Variants in UTRN observed in about 807,000 individuals in gnomAD.
The protein encoded by UTRN is utrophin, also known as dystrophin-related protein 1.
Under a neutral mutation model 463.9 loss-of-function variants are expected in UTRN, and 283 were observed. The observed-to-expected ratio is 0.61, with a 90% CI of 0.55 to 0.67. The LOEUF (loss-of-function observed/expected upper bound fraction) is 0.67, where lower values mean the gene tolerates loss of function less well. Among genes scored for constraint, UTRN ranks in the 30% least tolerant of loss-of-function variants. The pLI is 0.00. For missense variants in UTRN, 3,922 were observed against 4,084.3 expected (o/e 0.96, Z 1.08); for synonymous variants, 1,442 against 1,431.5 (o/e 1.01, Z -0.17).
chr6:144,461,418 C>T, intron 22 of UTRN, 76 bp downstream of exon 22: 1 of 1,334,720 alleles, frequency 7.5e-7, no homozygotes, highest in East Asian at 2.7e-5. Flanking sequence ...AATGTTTTTT[C>T]AGAGATTAAA....
Position 144,449,421 on chromosome 6 carries a change from C to G in UTRN, c.2072+652C>G, listed in dbSNP as rs139586657. ...TCGCGGTACAGTGGACAGTCATTTC[C>G]TAGAATGTAGACACCTGTTCCTGTG... is the stretch of plus-strand genomic sequence containing the variant. On this transcript the variant is annotated intron_variant, in intron 17 of 74. Transcript: ENST00000367545. 2.6e-3 allele frequency among the ~76,000 whole-genome samples: 396 copies of G among 152,256 alleles called. 2 individuals are homozygous for G. Among genetic ancestry groups the G allele is most frequent in the African/African-American group, 8.9e-3 (369 of 41,540 alleles).
Position 144,554,676 on chromosome 6 carries a change from T to C in UTRN, c.6929-12T>C, listed in dbSNP as rs1799226190. The C allele has an allele frequency of 3.1e-6, 5 of 1,613,702 alleles. No homozygotes were observed. Among genetic ancestry groups the C allele is most frequent in the East Asian group, 2.2e-5 (1 of 44,850 alleles). ...GTTGGGATTTTTTTTTCTTTTATAA[T>C]GCTACCCTCAGTGGAAAGGGTCAAG... On this transcript the variant is annotated splice_polypyrimidine_tract_variant and intron_variant, in intron 48 of 74. Transcript: ENST00000367545.
chr6:144,772,036 T>TTTTGA, intron 59 of UTRN, 68 bp downstream of exon 59: 2 of 1,094,392 alleles, frequency 1.8e-6, no homozygotes, highest in Non-Finnish European at 1.2e-6. Context: ...TTTTTTTTTT[T>TTTTGA]TTTTTTTTTT....
At chr6:144,332,698 C>G (rs1216140449) in intron 2 of UTRN, among the ~76,000 whole-genome samples, 3 of 151,958 alleles carry the variant, frequency 2.0e-5, no homozygotes, top group African/African-American at 7.3e-5. Flanking sequence ...ATCATTAAGT[C>G]AAACCGTTTT....
At chr6:144,722,898 G>C (rs1472202148) in intron 53 of UTRN, among the ~76,000 whole-genome samples, 1 of 152,102 alleles carries the variant, frequency 6.6e-6, no homozygotes, top group African/African-American at 2.4e-5. Flanking sequence ...AGTAATCCCA[G>C]GTGGTACCAG....
Position 144,525,056 on chromosome 6 carries a change from TTTA to T in UTRN, c.5906+1871_5906+1873del, listed in dbSNP as rs1796446022. The stretch of plus-strand genomic sequence containing the variant: ...TAGTATGAAACCCACTTGATCATGG[TTTA>T]TTGTCTTTTTGATATACTATTGGAT... On this transcript the variant is annotated intron_variant, in intron 41 of 74. Transcript: ENST00000367545. Among the ~76,000 whole-genome samples, 3 of 152,262 alleles carry T rather than the reference TTTA, an allele frequency of 2.0e-5. No individual in the cohort carries two copies. In the South Asian group the frequency reaches 6.2e-4, roughly 32 times the overall value.
intron 51 of UTRN, among the ~76,000 whole-genome samples, chr6:144,601,282 T>C (rs1162401064): frequency 6.6e-6 from 1 of 152,194 alleles, no homozygotes; most frequent in Non-Finnish European, 1.5e-5. Flanking sequence ...ATTCCTTTGA[T>C]GGATTTGGGC....
rs888087628 is a variant in UTRN, at chr6:144,436,827, T to C, written c.1059+689T>C. 5.5e-5 allele frequency among the ~76,000 whole-genome samples: 8 copies of C among 144,660 alleles called. No homozygotes were observed. In the East Asian group the frequency reaches 5.9e-4, roughly 11 times the overall value. The allele number at this position is 144,660 out of a possible 152,430, so 94.9% of individuals were successfully genotyped here. ...ATATATATAAATAAAAATAAATATATATTTTATTTTATATATAAATAAAAT... is the reference window on the plus strand; with the variant it reads ...ATATATATAAATAAAAATAAATATACATTTTATTTTATATATAAATAAAAT... On this transcript the variant is annotated intron_variant, in intron 10 of 74. Coordinates refer to ENST00000367545, the MANE Select transcript of UTRN (RefSeq NM_007124.3).
At chr6:144,717,704 C>T (rs535962942) in intron 53 of UTRN, among the ~76,000 whole-genome samples, 4 of 139,030 alleles carry the variant, frequency 2.9e-5, no homozygotes, top group South Asian at 2.2e-4. Context: ...GGCTCGATCT[C>T]GGCTCACTGC....
intron 2 of UTRN, among the ~76,000 whole-genome samples, chr6:144,355,100 C>T (rs958384204): frequency 3.9e-5 from 6 of 151,948 alleles, no homozygotes; most frequent in African/African-American, 9.7e-5. Context: ...TGTTGTTGTT[C>T]GGTGAATGAG....
At chr6:144,504,794 C>T (rs1219760479) in intron 34 of UTRN, among the ~76,000 whole-genome samples, 2 of 152,112 alleles carry the variant, frequency 1.3e-5, no homozygotes, top group African/African-American at 4.8e-5. Flanking sequence ...AGGGAGGAGT[C>T]CCTCTCTTTC....
intron 67 of UTRN, 80 bp downstream of exon 67, chr6:144,827,466 T>C: frequency 1.2e-6 from 2 of 1,604,584 alleles, no homozygotes; most frequent in Non-Finnish European, 1.7e-6. Flanking sequence ...ACTCTTGGTC[T>C]AAAATAATAC....
At chr6:144,529,188 C>A (rs974815602) in intron 41 of UTRN, among the ~76,000 whole-genome samples, 1 of 152,188 alleles carries the variant, frequency 6.6e-6, no homozygotes, top group Admixed American at 6.5e-5. Context: ...CCCCACTGGC[C>A]CAACAGCATT....
chr6:144,455,076 C>T (rs1788685572), intron 19 of UTRN, among the ~76,000 whole-genome samples: 1 of 151,922 alleles, frequency 6.6e-6, no homozygotes, highest in African/African-American at 2.4e-5. Flanking sequence ...CACACACACA[C>T]AAACACACAG....
chr6:144,605,384 A>G (rs1328136182), intron 51 of UTRN, among the ~76,000 whole-genome samples: 1 of 152,098 alleles, frequency 6.6e-6, no homozygotes, highest in African/African-American at 2.4e-5. Flanking sequence ...GATGAGATGA[A>G]TTAGGATAGA....
At chr6:144,584,352 A>G (rs553622245) in intron 51 of UTRN, among the ~76,000 whole-genome samples, 6 of 152,088 alleles carry the variant, frequency 3.9e-5, no homozygotes, top group Non-Finnish European at 8.8e-5. Context: ...TCAAAATTAG[A>G]GTGTTTTGAT....
At chr6:144,308,382 C>T (rs936418071) in intron 2 of UTRN, among the ~76,000 whole-genome samples, 16 of 152,168 alleles carry the variant, frequency 1.1e-4, no homozygotes, top group South Asian at 2.1e-4. Flanking sequence ...CTGCAACCTC[C>T]GCCTCCTGGG....
chr6:144,763,623 A>G (rs1375035852), intron 58 of UTRN, among the ~76,000 whole-genome samples: 5 of 152,218 alleles, frequency 3.3e-5, no homozygotes, highest in Non-Finnish European at 1.5e-5. Context: ...CTTAGGCAAT[A>G]CAGAAGAAAT....
chr6:144,474,815 T>C, intron 25 of UTRN, 56 bp downstream of exon 25: 2 of 1,563,152 alleles, frequency 1.3e-6, no homozygotes, highest in Middle Eastern at 1.7e-4. Context: ...CTGTAGCTTC[T>C]CTCAGCTGAC....
Sources: allele counts gnomAD v4.1 joint callset (sites outside exome capture counted in the v4.1 genomes callset), GRCh38; gene constraint gnomAD v4.1.1; transcripts MANE v1.5; gene names NCBI Gene and HGNC (gene_info 2026-07-23, HGNC 2026-07-21).